BAP1: variants seen among roughly 807,000 people sequenced by gnomAD.
BAP1 encodes ubiquitin carboxyl-terminal hydrolase BAP1.
A neutral mutation model predicts 77.2 loss-of-function variants in BAP1; 16 were observed. The ratio of observed to expected loss-of-function variants is 0.21; its 90% CI spans 0.14 to 0.31. The LOEUF (loss-of-function observed/expected upper bound fraction) is 0.31, where lower values mean the gene tolerates loss of function less well. Ranked by LOEUF, BAP1 falls within the 10% of genes least tolerant of loss-of-function variation. The pLI is 1.00. For synonymous variants in BAP1, 362 were observed against 385.2 expected (o/e 0.94, Z 0.71); for missense variants, 699 against 967.3 (o/e 0.72, Z 3.68).
chr3:52,407,110 T>A (rs1705190705), intron 7 of BAP1, 64 bp downstream of exon 7: 13 of 1,610,242 alleles, frequency 8.1e-6, no homozygotes, highest in Non-Finnish European at 1.1e-5. Context: ...CAGAGGGCCC[T>A]GAGCCCCAGC....
intron 3 of BAP1, among the ~76,000 whole-genome samples, chr3:52,409,310 T>C (rs1164489813): frequency 2.0e-5 from 3 of 152,232 alleles, no homozygotes; most frequent in Non-Finnish European, 4.4e-5. Context: ...GGAAAGCAGC[T>C]GAACCAAAGG....
chr3:52,409,672 G>A (rs1705302638), intron 2 of BAP1, 42 bp downstream of exon 2: 4 of 1,614,156 alleles, frequency 2.5e-6, no homozygotes, highest in Non-Finnish European at 3.4e-6. Context: ...CGCAGGGGTG[G>A]GCCGCCACAG....
chr3:52,408,698 C>G (rs1015880029), intron 3 of BAP1, 92 bp from the exon 4 acceptor site: 2 of 1,448,022 alleles, frequency 1.4e-6, no homozygotes, highest in African/African-American at 2.8e-5. Context: ...TGCACTGCGT[C>G]ATCACTCAGG....
intron 3 of BAP1, among the ~76,000 whole-genome samples, 186 bp downstream of exon 3, chr3:52,409,368 G>A (rs1010717885): frequency 3.9e-5 from 6 of 152,228 alleles, no homozygotes; most frequent in Non-Finnish European, 5.9e-5. Flanking sequence ...AAGCGCTAAG[G>A]AAAGTTTGGG....
chr3:52,408,426 A>C (rs557726332), intron 4 of BAP1, 48 bp downstream of exon 4: 1 of 1,600,660 alleles, frequency 6.2e-7, no homozygotes, highest in African/African-American at 1.3e-5. Context: ...CCCAAGCAAA[A>C]ACATGGCAGC....
chr3:52,409,242 AC>A (rs1366962190), intron 3 of BAP1, among the ~76,000 whole-genome samples: 23 of 152,358 alleles, frequency 1.5e-4, no homozygotes, highest in Non-Finnish European at 4.4e-5. Context: ...TAAAATTAAT[AC>A]ATTACACAAC....
chr3:52,403,828 CACT>C lies in BAP1; in HGVS notation c.1314_1316del (p.Val439del). 6.2e-7 allele frequency: 1 copy of C among 1,614,130 alleles called. No individual in the cohort carries two copies. The highest frequency in any genetic ancestry group is 8.5e-7 in the Non-Finnish European group (1 of 1,180,022). The stretch of plus-strand genomic sequence containing the variant: ...AGACGTTGATGGTGTTGGGCTGCAG[CACT>C]GACAGTTGCCCATCAGCAGAACCGC... On this transcript the variant is annotated inframe_deletion, in exon 13 of 17. Coordinates refer to ENST00000460680, the MANE Select transcript of BAP1 (RefSeq NM_004656.4). The surrounding 1 kb of genome is among the most constrained non-coding windows in gnomAD (Gnocchi z 4.0).
At chr3:52,405,010 A>G (rs1188352236) in intron 11 of BAP1, 100 bp downstream of exon 11, 2 of 1,527,764 alleles carry the variant, frequency 1.3e-6, no homozygotes, top group African/African-American at 1.4e-5. Context: ...TGACCCAGCC[A>G]TGCCAAGGAT....
rs1262419836 is a variant in BAP1, at chr3:52,406,043, C to T, written c.784-131G>A. On this transcript the variant is annotated intron_variant, in intron 9 of 16. Coordinates refer to ENST00000460680, the MANE Select transcript of BAP1 (RefSeq NM_004656.4). The surrounding 1 kb of genome is among the most constrained non-coding windows in gnomAD (Gnocchi z 4.6). Reference sequence around the variant, plus strand: ...ATTCACTCACAGGGAAATAAAACACCCAAACCCAAACTTCCTTTTAGAAGC... The same window carrying T: ...ATTCACTCACAGGGAAATAAAACACTCAAACCCAAACTTCCTTTTAGAAGC... 5 of 1,501,620 alleles carry T rather than the reference C, an allele frequency of 3.3e-6. No individual in the cohort carries two copies. Among genetic ancestry groups the T allele is most frequent in the Non-Finnish European group, 4.5e-6 (5 of 1,103,704 alleles). 93.0% of individuals were successfully genotyped at this position (1,501,620 alleles called of 1,614,324 possible). A position where few individuals can be genotyped will look rare whatever the true frequency, so the allele number is the denominator to read the frequency against.
Position 52,409,955 on chromosome 3 carries a change from G to T in BAP1, c.-77C>A. 1 of 1,540,666 alleles carries T rather than the reference G, an allele frequency of 6.5e-7. No homozygotes were observed. Among genetic ancestry groups the T allele is most frequent in the Non-Finnish European group, 8.7e-7 (1 of 1,147,412 alleles). ...GCTGCCCCCACCGGGAGCCCCCACCGCCCCCGGGGCCCCTCAGTCCCACAC... is the reference window on the plus strand; with the variant it reads ...GCTGCCCCCACCGGGAGCCCCCACCTCCCCCGGGGCCCCTCAGTCCCACAC... On this transcript the variant is annotated 5_prime_UTR_variant, in exon 1 of 17. Coordinates refer to ENST00000460680, the MANE Select transcript of BAP1 (RefSeq NM_004656.4).
At chr3:52,409,218 A>G (rs1705272047) in intron 3 of BAP1, among the ~76,000 whole-genome samples, 1 of 152,242 alleles carries the variant, frequency 6.6e-6, no homozygotes, top group East Asian at 1.9e-4. Flanking sequence ...AAAGCCAAGG[A>G]CACATGGGCA....
chr3:52,405,086 C>A lies in BAP1; in HGVS notation c.1116+24G>T, dbSNP rs186001194. 1.7e-5 allele frequency: 28 copies of A among 1,613,662 alleles called. No individual in the cohort carries two copies. In the African/African-American group the frequency reaches 1.9e-4, roughly 11 times the overall value. On this transcript the variant is annotated intron_variant, in intron 11 of 16. Coordinates refer to ENST00000460680, the MANE Select transcript of BAP1 (RefSeq NM_004656.4). ...CTCTCAAGAGAATCAAGTAGAGAATCCTGCAAGGGTGCTCCCAGCTTACCT... is the reference window on the plus strand; with the variant it reads ...CTCTCAAGAGAATCAAGTAGAGAATACTGCAAGGGTGCTCCCAGCTTACCT...
intron 10 of BAP1, 70 bp downstream of exon 10, chr3:52,405,695 T>A (rs141917607): frequency 6.3e-7 from 1 of 1,596,348 alleles, no homozygotes; most frequent in South Asian, 1.1e-5. Flanking sequence ...ACTTTCCCTG[T>A]TTAGGCCTCC....
chr3:52,405,753 A>C lies in BAP1; in HGVS notation c.931+12T>G, dbSNP rs770218265. The C allele has an allele frequency of 1.2e-6, 2 of 1,612,206 alleles. No homozygotes were observed. The highest frequency in any genetic ancestry group is 4.5e-5 in the East Asian group (2 of 44,884). On this transcript the variant is annotated intron_variant, in intron 10 of 16. Coordinates refer to ENST00000460680, the MANE Select transcript of BAP1 (RefSeq NM_004656.4). ...CTCTGAGGTCCACAAGAGGTCCCAA[A>C]CCCCCCAGTACCTGTGTGGTTGCCC...
Position 52,402,001 on chromosome 3 carries a change from G to A in BAP1, c.*287C>T. 1 of 564,088 alleles carries A rather than the reference G, an allele frequency of 1.8e-6. No homozygotes were observed. 34.9% of individuals were successfully genotyped at this position (564,088 alleles called of 1,614,324 possible). ...GTAAAATATATATTCTGCTGCCCAG[G>A]CAGAAGGGCCAGGTCCTGCTGCTCC... On this transcript the variant is annotated 3_prime_UTR_variant, in exon 17 of 17. Transcript: ENST00000460680. This position sits in a 1 kb window ranked among gnomAD's most constrained non-coding sequence, Gnocchi z 5.3.
Position 52,407,313 on chromosome 3 carries a change from G to A in BAP1, c.441C>T (p.Pro147=), listed in dbSNP as rs768015706. Residue 147 remains proline (P), a synonymous_variant, in exon 7 of 17, where the codon CCC becomes CCT. Coordinates refer to ENST00000460680, the MANE Select transcript of BAP1 (RefSeq NM_004656.4). ...LAKAHNSHAR[P]EPRHLPEKQN... ...GCTTCTCAGGGAGGTGGCGTGGCTCGGGCCTGGGGAAAAACAGAGTCAGGG... is the reference window on the plus strand; with the variant it reads ...GCTTCTCAGGGAGGTGGCGTGGCTCAGGCCTGGGGAAAAACAGAGTCAGGG... The A allele has an allele frequency of 9.3e-6, 15 of 1,613,990 alleles. No individual in the cohort carries two copies. Among genetic ancestry groups the A allele is most frequent in the South Asian group, 8.8e-5 (8 of 91,084 alleles).
In BAP1 at chr3:52,408,163, C is replaced by A. The variant is rs569702216; in HGVS notation, c.256-86G>T. ...ATACATCAAGAATGGGGATCCAGAG[C>A]AGGTCAGTCATATCTGGACAACTCC... On this transcript the variant is annotated intron_variant, in intron 4 of 16. Transcript: ENST00000460680. The A allele has an allele frequency of 1.3e-4, 194 of 1,546,282 alleles. 1 individual carries two copies. In the South Asian group the frequency reaches 2.2e-3, roughly 18 times the overall value.
chr3:52,408,394 C>A (rs2153228226), intron 4 of BAP1, 80 bp downstream of exon 4: 1 of 1,565,478 alleles, frequency 6.4e-7, no homozygotes, highest in East Asian at 2.3e-5. Context: ...TCTCCTCCTC[C>A]TGTCTTCCTC....
rs146661777 is a variant in BAP1, at chr3:52,402,901, C to A, written c.1891-30G>T. 6.2e-7 allele frequency: 1 copy of A among 1,613,840 alleles called. No individual in the cohort carries two copies. ...CAAAACCCAGCATTGCACCTCTGAT[C>A]GGGGCGGGCCAGCAACAAAGCCCCA... is the stretch of plus-strand genomic sequence containing the variant. On this transcript the variant is annotated intron_variant, in intron 14 of 16. Transcript: ENST00000460680. This position sits in a 1 kb window ranked among gnomAD's most constrained non-coding sequence, Gnocchi z 5.3.
Sources: gnomAD v4.1 joint callset for allele counts (sites outside exome capture counted in the v4.1 genomes callset) on GRCh38, gnomAD v4.1.1 for gene constraint, Gnocchi (gnomAD v3.1) non-coding constraint, MANE v1.5 for transcripts, NCBI Gene and HGNC (gene_info 2026-07-23, HGNC 2026-07-21) for gene names.